SLC36A1: variants seen among roughly 807,000 people sequenced by gnomAD.
SLC36A1 encodes solute carrier family 36 member 1.
SLC36A1 carries 30 observed loss-of-function variants against 47.5 expected under a neutral mutation model. The observed-to-expected ratio is 0.63, with a 90% CI of 0.47 to 0.86. SLC36A1 has a LOEUF of 0.86. Among genes scored for constraint, SLC36A1 ranks in the 40% least tolerant of loss-of-function variants. SLC36A1 has a pLI of 0.00. For missense variants in SLC36A1, 517 were observed against 606.0 expected, an observed-to-expected ratio of 0.85 and a Z score of 1.54; for synonymous variants, 255 against 249.7, an observed-to-expected ratio of 1.02 and a Z score of -0.20.
At chr5:151,544,477 G>A in the SLC36A1 span, 1 of 1,614,168 alleles carries the variant, frequency 6.2e-7, no homozygotes, top group Non-Finnish European at 8.5e-7. Context: ...GAAGTCAGTG[G>A]TGAACAGCAT....
At chr5:151,507,111 C>G in the SLC36A1 span, 1 of 1,504,004 alleles carries the variant, frequency 6.6e-7, no homozygotes, top group Non-Finnish European at 8.9e-7. Context: ...CCACCACCCA[C>G]TTCCATCAAT....
At chr5:151,345,624 C>A in the SLC36A1 span, among the ~76,000 whole-genome samples, 2 of 152,168 alleles carry the variant, frequency 1.3e-5, no homozygotes, top group Non-Finnish European at 2.9e-5. Flanking sequence ...GAGCACTACA[C>A]CCTACTCGCC....
intron 1 of SLC36A1, among the ~76,000 whole-genome samples, chr5:151,442,441 C>T (rs897622576): frequency 1.3e-5 from 2 of 152,094 alleles, no homozygotes; most frequent in Admixed American, 6.6e-5. Flanking sequence ...CAATGTACAG[C>T]GATTACATCA....
the SLC36A1 span, among the ~76,000 whole-genome samples, chr5:151,498,102 G>A: frequency 6.0e-3 from 914 of 152,020 alleles, 9 homozygotes; most frequent in African/African-American, 0.021. Flanking sequence ...CTGCCACCAC[G>A]CCCGACTAAT....
At chr5:151,437,381 T>C (rs1302226109) in intron 1 of SLC36A1, among the ~76,000 whole-genome samples, 1 of 152,228 alleles carries the variant, frequency 6.6e-6, no homozygotes, top group Non-Finnish European at 1.5e-5. Context: ...GAATTTATAA[T>C]GAAAAGCTAT....
the SLC36A1 span, among the ~76,000 whole-genome samples, chr5:151,530,830 A>T: frequency 0.21 from 32,599 of 152,206 alleles, 3,754 homozygotes; most frequent in Non-Finnish European, 0.25. Context: ...TGGTCTCTGC[A>T]GATGATTACT....
At chr5:151,394,878 G>A in the SLC36A1 span, among the ~76,000 whole-genome samples, 3 of 152,210 alleles carry the variant, frequency 2.0e-5, no homozygotes, top group Non-Finnish European at 2.9e-5. Context: ...CAGTCTGTCT[G>A]TTCTCAGATC....
intron 6 of SLC36A1, 54 bp from the exon 7 acceptor site, chr5:151,467,653 C>A (rs767185596): frequency 6.9e-7 from 1 of 1,447,204 alleles, no homozygotes; most frequent in Non-Finnish European, 9.7e-7. Context: ...AGAGGATCCA[C>A]CGGCCTCTGT....
chr5:151,484,565 G>A (rs1443471870), intron 10 of SLC36A1, among the ~76,000 whole-genome samples: 2 of 152,152 alleles, frequency 1.3e-5, no homozygotes, highest in African/African-American at 2.4e-5. Flanking sequence ...AGAGTTGGGC[G>A]AGACTTCAGA....
the SLC36A1 span, among the ~76,000 whole-genome samples, chr5:151,501,714 G>C: frequency 6.7e-6 from 1 of 148,354 alleles, no homozygotes. Flanking sequence ...TTTTACTGAG[G>C]AATGAGAGGC....
intron 10 of SLC36A1, among the ~76,000 whole-genome samples, chr5:151,480,823 A>G (rs1055082474): frequency 3.3e-5 from 5 of 152,204 alleles, no homozygotes; most frequent in East Asian, 1.9e-4. Flanking sequence ...TGAGGGCCCA[A>G]TTCTTAAATC....
At chr5:151,533,228 G>A in the SLC36A1 span, among the ~76,000 whole-genome samples, 1 of 152,232 alleles carries the variant, frequency 6.6e-6, no homozygotes, top group South Asian at 2.1e-4. Flanking sequence ...CTGGAGGTGT[G>A]TAAGCAGTGG....
intron 7 of SLC36A1, among the ~76,000 whole-genome samples, chr5:151,471,944 A>T (rs1271583280): frequency 1.3e-5 from 2 of 152,192 alleles, no homozygotes; most frequent in African/African-American, 4.8e-5. Flanking sequence ...TGTGGTTTAG[A>T]AAACCAAATT....
At chr5:151,505,777 G>T in the SLC36A1 span, 1 of 1,614,086 alleles carries the variant, frequency 6.2e-7, no homozygotes, top group South Asian at 1.1e-5. Flanking sequence ...TGCCGGAACT[G>T]CGAGTGGTAG....
chr5:151,507,417 T>C, the SLC36A1 span: 1 of 1,614,020 alleles, frequency 6.2e-7, no homozygotes, highest in South Asian at 1.1e-5. Context: ...GGCCAGGAGG[T>C]CTGGGTCCTC....
At chr5:151,434,841 C>T (rs1050545119), upstream of SLC36A1, among the ~76,000 whole-genome samples, 7 of 152,116 alleles carry the variant, frequency 4.6e-5, no homozygotes, top group African/African-American at 1.7e-4. Context: ...GATCGGCTGG[C>T]AACTTGATCT....
chr5:151,486,274 A>G (rs1759526943), intron 10 of SLC36A1, among the ~76,000 whole-genome samples: 2 of 152,168 alleles, frequency 1.3e-5, no homozygotes, highest in Non-Finnish European at 1.5e-5. Flanking sequence ...GCCCCAAGTC[A>G]TTCATGAGGG....
At chr5:151,553,109 G>A in the SLC36A1 span, 3 of 1,507,464 alleles carry the variant, frequency 2.0e-6, no homozygotes, top group Non-Finnish European at 2.8e-6. Context: ...GACTGTAGCA[G>A]GAAAACTAGA....
chr5:151,418,370 A>G, the SLC36A1 span, among the ~76,000 whole-genome samples: 1 of 152,210 alleles, frequency 6.6e-6, no homozygotes, highest in Admixed American at 6.5e-5. Flanking sequence ...ACAGACACTC[A>G]ACACCAGCCC....
Sources: allele counts gnomAD v4.1 joint callset (sites outside exome capture counted in the v4.1 genomes callset), GRCh38; gene constraint gnomAD v4.1.1; transcripts MANE v1.5; gene names NCBI Gene and HGNC (gene_info 2026-07-23, HGNC 2026-07-21).